MYH3: variants seen among roughly 807,000 people sequenced by gnomAD.
MYH3 encodes the protein myosin heavy chain 3, also known as myosin-3.
A neutral mutation model predicts 238.0 loss-of-function variants in MYH3; 130 were observed. The observed-to-expected ratio is 0.55, with a 90% CI of 0.47 to 0.63. The LOEUF (loss-of-function observed/expected upper bound fraction) is 0.63, where lower values mean the gene tolerates loss of function less well. Among genes scored for constraint, MYH3 ranks in the 30% least tolerant of loss-of-function variants. The probability of loss-of-function intolerance (pLI) is 0.00; values close to 1 mark genes in which losing one functional copy is unlikely to be tolerated. For missense variants in MYH3, 1,853 were observed against 2,374.9 expected (o/e 0.78, Z 4.57); for synonymous variants, 880 against 924.1 (o/e 0.95, Z 0.86).
the MYH3 span, among the ~76,000 whole-genome samples, chr17:10,670,530 A>AACTCTGG: frequency 1.3e-5 from 2 of 151,838 alleles, no homozygotes; most frequent in Non-Finnish European, 2.9e-5. This position sits in a 1 kb window ranked among gnomAD's most constrained non-coding sequence, Gnocchi z 7.0. Flanking sequence ...GCTTGTTTTG[A>AACTCTGG]ACTCTGGGGC....
chr17:10,639,488 G>A lies in MYH3; in HGVS notation c.2926-14C>T, dbSNP rs538546935. 112 of 1,613,926 alleles carry A rather than the reference G, an allele frequency of 6.9e-5. No homozygotes were observed. In the Middle Eastern group the frequency reaches 1.3e-3, roughly 19 times the overall value. Reference sequence around the variant, plus strand: ...AAGGTTTTTAACCTAAGAAGAATTCGCAAGCAATTATAAGCTTAAAGTTTA... The same window carrying A: ...AAGGTTTTTAACCTAAGAAGAATTCACAAGCAATTATAAGCTTAAAGTTTA... On this transcript the variant is annotated splice_polypyrimidine_tract_variant and intron_variant, in intron 23 of 40. Transcript: ENST00000583535.
rs748925984 is a variant in MYH3 at position 10,632,672 on chromosome 17, A to G, written c.4760T>C (p.Leu1587Pro). Residue 1587 changes from leucine to proline, a missense_variant, in exon 34 of 41, where the codon CTG becomes CCG. Coordinates refer to ENST00000583535, the MANE Select transcript of MYH3 (RefSeq NM_002470.4). ...CACTGTTCTCTGGTAGTTCCTCTTCAGCTGCTCGATCTCTTCATCCTTCTC... is the reference window on the plus strand; with the variant it reads ...CACTGTTCTCTGGTAGTTCCTCTTCGGCTGCTCGATCTCTTCATCCTTCTC... ...IAEKDEEIEQLKRNYQRTVET... is the reference protein window; with the variant it reads ...IAEKDEEIEQPKRNYQRTVET... 1.9e-6 allele frequency: 3 copies of G among 1,613,974 alleles called. No homozygotes were observed. The East Asian group carries it at 6.7e-5, about 36-fold the overall frequency.
chr17:10,630,416 T>C lies in MYH3; in HGVS notation c.5329A>G (p.Ser1777Gly), dbSNP rs1002106046. The change falls in exon 37 of 41, where the codon AGC becomes GGC. Residue 1777 changes from serine (S) to glycine (G), a missense_variant. Ser to Gly is a moderately conservative substitution (Grantham distance 56). Transcript: ENST00000583535. Reference sequence around the variant, plus strand: ...TTCTTCATCCGCTCAAGGTGGGCGCTGGTGTCCTGCTCCTTCTTCAGCTCC... The same window carrying C: ...TTCTTCATCCGCTCAAGGTGGGCGCCGGTGTCCTGCTCCTTCTTCAGCTCC... ...AEELKKEQDTSAHLERMKKNL... is the reference protein window; with the variant it reads ...AEELKKEQDTGAHLERMKKNL... 2.5e-6 allele frequency: 4 copies of C among 1,614,040 alleles called. No individual in the cohort carries two copies. The highest frequency in any genetic ancestry group is 8.5e-7 in the Non-Finnish European group (1 of 1,180,038).
chr17:10,653,201 C>T (rs549361353), intron 3 of MYH3, among the ~76,000 whole-genome samples: 135 of 152,240 alleles, frequency 8.9e-4, no homozygotes, highest in African/African-American at 3.2e-3. Flanking sequence ...CCAGCAGGAA[C>T]CTTTCAGCTC....
chr17:10,637,597 C>G (rs2074227380), intron 28 of MYH3, among the ~76,000 whole-genome samples: 1 of 152,148 alleles, frequency 6.6e-6, no homozygotes. Flanking sequence ...GTCTACTCCT[C>G]TTTCTCTCTT....
intron 33 of MYH3, 104 bp downstream of exon 33, chr17:10,633,487 A>AT: frequency 1.3e-6 from 2 of 1,501,202 alleles, no homozygotes; most frequent in Non-Finnish European, 1.8e-6. Context: ...TAGGACTGTG[A>AT]TTTGACAAAG....
In MYH3 at chr17:10,638,027, C is replaced by A. The variant is rs770379968; in HGVS notation, c.3729+16G>T. On this transcript the variant is annotated intron_variant, in intron 27 of 40. Transcript: ENST00000583535. ...TCTGATGGAAAGCCTTGAGCCACCCCCACCCCGCGCAGCACCTTAGATTTC... is the reference window on the plus strand; with the variant it reads ...TCTGATGGAAAGCCTTGAGCCACCCACACCCCGCGCAGCACCTTAGATTTC... The A allele has an allele frequency of 6.2e-7, 1 of 1,613,978 alleles. No individual in the cohort carries two copies.
intron 4 of MYH3, chr17:10,652,213 T>C: frequency 1.5e-6 from 1 of 676,652 alleles, no homozygotes; most frequent in Non-Finnish European, 2.6e-6. Context: ...GCTCTCCGGC[T>C]CCTGGTCCTC....
In MYH3 at chr17:10,630,159, T is replaced by C. The variant is rs1455662839; in HGVS notation, c.5495A>G (p.Lys1832Arg). The change falls in exon 38 of 41, where the codon AAG (lysine) becomes AGG (arginine). Residue 1832 changes from lysine (K) to arginine (R), a missense_variant. This residue lies in a region of MYH3 where 1,044 missense variants were observed against 1,192.6 expected (regional missense o/e 0.88). Coordinates refer to ENST00000583535, the MANE Select transcript of MYH3 (RefSeq NM_002470.4). Reference protein sequence around the residue: ...ELEFELEGEQKKNTESVKGLR... With the variant: ...ELEFELEGEQRKNTESVKGLR... ...GCCCTTAACAGACTCTGTGTTCTTCTTCTGCTCTCCCTCAAGTTCAAACTC... is the reference window on the plus strand; with the variant it reads ...GCCCTTAACAGACTCTGTGTTCTTCCTCTGCTCTCCCTCAAGTTCAAACTC... The C allele has an allele frequency of 6.2e-7, 1 of 1,614,082 alleles. No homozygotes were observed. The highest frequency in any genetic ancestry group is 8.5e-7 in the Non-Finnish European group (1 of 1,180,052).
At chr17:10,637,083 G>A (rs2074222775) in intron 28 of MYH3, among the ~76,000 whole-genome samples, 1 of 147,154 alleles carries the variant, frequency 6.8e-6, no homozygotes, top group African/African-American at 2.5e-5. Flanking sequence ...TTTTGAGACA[G>A]AGTTTCATTC....
At chr17:10,658,913 A>G (rs2074460932), upstream of MYH3, 1 of 152,296 alleles carries the variant, frequency 6.6e-6, no homozygotes, top group Non-Finnish European at 1.5e-5. Flanking sequence ...CCTTGGGAGT[A>G]TTGGTCAGGA....
chr17:10,641,765 C>T (rs1011563488), intron 17 of MYH3, among the ~76,000 whole-genome samples: 1 of 152,142 alleles, frequency 6.6e-6, no homozygotes, highest in Admixed American at 6.5e-5. Context: ...CTGCCCACCT[C>T]GGCCTCCCAA....
chr17:10,646,512 G>T (rs893674575), intron 10 of MYH3, among the ~76,000 whole-genome samples: 2 of 152,208 alleles, frequency 1.3e-5, no homozygotes, highest in Non-Finnish European at 2.9e-5. Context: ...GGGCAGACAA[G>T]GGGCAGTGTG....
At chr17:10,662,420 C>T in the MYH3 span, among the ~76,000 whole-genome samples, 1 of 152,166 alleles carries the variant, frequency 6.6e-6, no homozygotes, top group African/African-American at 2.4e-5. Flanking sequence ...AACACTTTGC[C>T]AGTTTGCTTT....
the MYH3 span, chr17:10,672,341 A>T: frequency 3.0e-4 from 46 of 152,296 alleles, no homozygotes; most frequent in African/African-American, 1.1e-3. Context: ...ACTACACTTT[A>T]AAAAAAGTAT....
chr17:10,653,186 C>T (rs955222563), intron 3 of MYH3, among the ~76,000 whole-genome samples: 3 of 152,070 alleles, frequency 2.0e-5, no homozygotes, highest in East Asian at 1.9e-4. Context: ...TGGCTGGGAA[C>T]GGGGCCAGCA....
intron 36 of MYH3, 79 bp downstream of exon 36, chr17:10,631,532 C>A (rs1167988993): frequency 6.2e-7 from 1 of 1,605,664 alleles, no homozygotes; most frequent in Non-Finnish European, 8.5e-7. Context: ...TGGGGGAGAC[C>A]GCACCTGTCT....
intron 1 of MYH3, among the ~76,000 whole-genome samples, chr17:10,656,498 T>A (rs968753790): frequency 1.3e-5 from 2 of 148,454 alleles, no homozygotes; most frequent in African/African-American, 5.1e-5. Flanking sequence ...GATTGTGCCA[T>A]TGCACTCCAG....
intron 10 of MYH3, 51 bp downstream of exon 10, chr17:10,647,131 T>C: frequency 1.5e-6 from 2 of 1,324,824 alleles, no homozygotes; most frequent in Non-Finnish European, 1.1e-6. Flanking sequence ...CTTGGTCTAG[T>C]GATCAGAGTC....
Sources: gnomAD v4.1 joint callset for allele counts (sites outside exome capture counted in the v4.1 genomes callset) on GRCh38, gnomAD v4.1.1 for gene constraint, gnomAD v4.1.1 regional missense constraint, Gnocchi (gnomAD v3.1) non-coding constraint, MANE v1.5 for transcripts, NCBI Gene and HGNC (gene_info 2026-07-23, HGNC 2026-07-21) for gene names.